NRXN3: variants seen among roughly 807,000 people sequenced by gnomAD.
NRXN3 encodes the protein neurexin 3, also known as neurexin III.
A neutral mutation model predicts 137.6 loss-of-function variants in NRXN3; 32 were observed. That is an observed-to-expected ratio of 0.23 (90% CI 0.18 to 0.31). The LOEUF (loss-of-function observed/expected upper bound fraction) is 0.31, where lower values mean the gene tolerates loss of function less well. Among genes scored for constraint, NRXN3 ranks in the 10% least tolerant of loss-of-function variants. The pLI is 1.00. For missense variants in NRXN3, 1,574 were observed against 2,062.5 expected (o/e 0.76, Z 4.59); for synonymous variants, 798 against 784.5 (o/e 1.02, Z -0.29).
At position 78,243,106 on chromosome 14, in the gene NRXN3, C is replaced by A; in HGVS notation, c.13C>A (p.Leu5Ile). Reference sequence around the variant, plus strand: ...CCCAGCAGCGACAATGAGCTCCACACTCCACTCGGTTTTCTTCACCCTGAA... The same window carrying A: ...CCCAGCAGCGACAATGAGCTCCACAATCCACTCGGTTTTCTTCACCCTGAA... MSST[L>I]HSVFFTLKVS... is the part of the protein sequence containing the mutation. The change falls in exon 2 of 21, where the codon CTC becomes ATC. Residue 5 changes from leucine to isoleucine, a missense_variant. Transcript: ENST00000335750. This position sits in a 1 kb window ranked among gnomAD's most constrained non-coding sequence, Gnocchi z 4.2. 1 of 1,530,398 alleles carries A rather than the reference C, an allele frequency of 6.5e-7. No individual in the cohort carries two copies. The highest frequency in any genetic ancestry group is 8.7e-7 in the Non-Finnish European group (1 of 1,145,012). The allele number at this position is 1,530,398 out of a possible 1,614,324, so 94.8% of individuals were successfully genotyped here.
intron 16 of NRXN3, among the ~76,000 whole-genome samples, chr14:79,560,341 T>G (rs1772728083): frequency 6.6e-6 from 1 of 151,874 alleles, no homozygotes; most frequent in South Asian, 2.1e-4. Flanking sequence ...TAAAAAATGT[T>G]ATAACTTCTG....
At chr14:79,433,805 T>C (rs1361826003) in intron 15 of NRXN3, among the ~76,000 whole-genome samples, 1 of 152,206 alleles carries the variant, frequency 6.6e-6, no homozygotes, top group Non-Finnish European at 1.5e-5. Context: ...AAAACTTTAT[T>C]CCGTGCAACA....
At chr14:79,269,113 A>G (rs1295928011) in intron 15 of NRXN3, among the ~76,000 whole-genome samples, 14 of 151,930 alleles carry the variant, frequency 9.2e-5, no homozygotes, top group Non-Finnish European at 1.8e-4. Flanking sequence ...GCAGTGGCAC[A>G]ATCTCGGCTC....
intron 10 of NRXN3, among the ~76,000 whole-genome samples, chr14:78,883,478 A>G (rs2099135054): frequency 6.6e-6 from 1 of 152,250 alleles, no homozygotes; most frequent in Non-Finnish European, 1.5e-5. Flanking sequence ...GTGGAAGTAT[A>G]TAAAGGGAGT....
At chr14:79,389,202 A>G (rs1164487159) in intron 15 of NRXN3, among the ~76,000 whole-genome samples, 1 of 152,194 alleles carries the variant, frequency 6.6e-6, no homozygotes, top group Non-Finnish European at 1.5e-5. Context: ...GAGACTGGGT[A>G]ATTTGTAAAG....
At chr14:79,531,315 GT>G (rs2097167953) in intron 16 of NRXN3, among the ~76,000 whole-genome samples, 3 of 152,168 alleles carry the variant, frequency 2.0e-5, no homozygotes, top group African/African-American at 7.2e-5. Context: ...CGTGGAGTTT[GT>G]TGCTTTGGAT....
chr14:78,599,540 T>C (rs1364410638), intron 4 of NRXN3, among the ~76,000 whole-genome samples: 1 of 152,224 alleles, frequency 6.6e-6, no homozygotes, highest in African/African-American at 2.4e-5. Context: ...ACATGCTTTG[T>C]CTGTACACTT....
At chr14:78,987,439 G>A (rs1288933931) in intron 14 of NRXN3, among the ~76,000 whole-genome samples, 1 of 152,240 alleles carries the variant, frequency 6.6e-6, no homozygotes, top group East Asian at 1.9e-4. Flanking sequence ...GGAGAGCTCA[G>A]CAAGATAATG....
Position 79,740,708 on chromosome 14 carries a change from TTTTTTATATATATATATATATATATA to T in NRXN3, c.4014+42773_4014+42798del, listed in dbSNP as rs1232701839. 4.3e-4 allele frequency among the ~76,000 whole-genome samples: 15 copies of T among 35,168 alleles called. 1 individual carries two copies. Among genetic ancestry groups the T allele is most frequent in the African/African-American group, 1.8e-3 (14 of 7,942 alleles). 23.1% of individuals were successfully genotyped at this position (35,168 alleles called of 152,430 possible). On this transcript the variant is annotated intron_variant, in intron 19 of 20. Transcript: ENST00000335750. ...CCTTTCCACTGGACTTTGCATTTAG[TTTTTTATATATATATATATATATATA>T]TATATATATATATATATATATATAT...
chr14:79,238,261 T>G (rs977914569), intron 15 of NRXN3, among the ~76,000 whole-genome samples: 3 of 151,426 alleles, frequency 2.0e-5, no homozygotes, highest in Non-Finnish European at 2.9e-5. Context: ...TAGTTAGTTC[T>G]GGTTGTAGAC....
At chr14:79,378,936 A>G (rs1165572888) in intron 15 of NRXN3, among the ~76,000 whole-genome samples, 4 of 150,998 alleles carry the variant, frequency 2.6e-5, no homozygotes, top group Admixed American at 1.3e-4. Context: ...TTTGAAGTTG[A>G]TCCATGTGGT....
At chr14:79,467,744 G>A (rs1465535092) in intron 16 of NRXN3, among the ~76,000 whole-genome samples, 1 of 150,578 alleles carries the variant, frequency 6.6e-6, no homozygotes, top group Non-Finnish European at 1.5e-5. Flanking sequence ...AAGCAGCAAA[G>A]CCAAGTGGAA....
intron 16 of NRXN3, among the ~76,000 whole-genome samples, chr14:79,651,137 G>A (rs1476618122): frequency 6.6e-6 from 1 of 152,152 alleles, no homozygotes; most frequent in Non-Finnish European, 1.5e-5. Flanking sequence ...CACAGAAGCA[G>A]AGTAGGTTGA....
chr14:78,323,976 CA>C (rs1450339938), intron 4 of NRXN3, among the ~76,000 whole-genome samples: 4 of 152,038 alleles, frequency 2.6e-5, no homozygotes, highest in Non-Finnish European at 4.4e-5. Context: ...GCCATTATCT[CA>C]CTTCATCCTT....
At chr14:79,801,165 G>T (rs75485463) in intron 19 of NRXN3, among the ~76,000 whole-genome samples, 14 of 152,172 alleles carry the variant, frequency 9.2e-5, no homozygotes, top group African/African-American at 3.4e-4. Context: ...TAACGATGAG[G>T]TCTGAAAGAC....
At chr14:78,855,922 G>A (rs2099055901) in intron 10 of NRXN3, among the ~76,000 whole-genome samples, 1 of 152,166 alleles carries the variant, frequency 6.6e-6, no homozygotes, top group African/African-American at 2.4e-5. Context: ...GTGTCCCCAA[G>A]CCTGTGTTTC....
At chr14:79,476,974 AT>A (rs1177113939) in intron 16 of NRXN3, among the ~76,000 whole-genome samples, 1 of 152,082 alleles carries the variant, frequency 6.6e-6, no homozygotes, top group Non-Finnish European at 1.5e-5. Flanking sequence ...TGAAACAGCA[AT>A]TTACTTGGGA....
rs140616260 is a variant in NRXN3 at position 79,511,914 on chromosome 14, T to C, written c.3444+44512T>C. 4.7e-4 allele frequency among the ~76,000 whole-genome samples: 72 copies of C among 152,364 alleles called. No homozygotes were observed. In the East Asian group the frequency reaches 0.013, roughly 27 times the overall value. ...TATTTTTTGTTGTTGTTCTTGTTGT[T>C]GTTTGAGACAGTTTTGCTCTTGTTG... On this transcript the variant is annotated intron_variant, in intron 16 of 20. Transcript: ENST00000335750.
chr14:78,673,639 G>A (rs1227525695), intron 6 of NRXN3, among the ~76,000 whole-genome samples: 1 of 152,198 alleles, frequency 6.6e-6, no homozygotes, highest in African/African-American at 2.4e-5. Flanking sequence ...CGAAGATCAA[G>A]GCCTGCTTCT....
Sources: allele counts gnomAD v4.1 joint callset (sites outside exome capture counted in the v4.1 genomes callset), GRCh38; gene constraint gnomAD v4.1.1; non-coding constraint Gnocchi (gnomAD v3.1); transcripts MANE v1.5; gene names NCBI Gene and HGNC (gene_info 2026-07-23, HGNC 2026-07-21).